The following DLG2 variants were observed in gnomAD, a reference collection of about 807,000 sequenced individuals.
DLG2 encodes discs large MAGUK scaffold protein 2.
Under a neutral mutation model 132.5 loss-of-function variants are expected in DLG2, and 45 were observed. The observed-to-expected ratio is 0.34, with a 90% CI of 0.27 to 0.44. DLG2 has a LOEUF of 0.44. Among genes scored for constraint, DLG2 ranks in the 20% least tolerant of loss-of-function variants. DLG2 has a pLI of 1.00. For synonymous variants in DLG2, 424 were observed against 419.6 expected, an observed-to-expected ratio of 1.01 and a Z score of -0.13; for missense variants, 1,045 against 1,196.9, an observed-to-expected ratio of 0.87 and a Z score of 1.87.
chr11:85,176,412 T>C (rs1381052364), intron 4 of DLG2, among the ~76,000 whole-genome samples: 2 of 152,172 alleles, frequency 1.3e-5, no homozygotes, highest in Non-Finnish European at 2.9e-5. Context: ...GCTAGCCAAA[T>C]GTGAAAAATT....
intron 21 of DLG2, among the ~76,000 whole-genome samples, chr11:83,512,007 T>C (rs1015666689): frequency 2.0e-5 from 3 of 152,220 alleles, no homozygotes; most frequent in South Asian, 2.1e-4. Flanking sequence ...TGTGCAATAA[T>C]TGCTATGTTG....
chr11:85,161,916 G>T (rs1259573272), intron 4 of DLG2, among the ~76,000 whole-genome samples: 1 of 152,138 alleles, frequency 6.6e-6, no homozygotes, highest in African/African-American at 2.4e-5. Flanking sequence ...GGAATCAAGG[G>T]GTGGAAGTGG....
At chr11:83,890,126 A>G (rs548906491) in intron 15 of DLG2, among the ~76,000 whole-genome samples, 2 of 152,242 alleles carry the variant, frequency 1.3e-5, no homozygotes, top group South Asian at 4.1e-4. Context: ...TAATAAAAAA[A>G]GAAATTTTAT....
chr11:83,507,084 G>C (rs2094742911), intron 21 of DLG2, among the ~76,000 whole-genome samples: 1 of 151,946 alleles, frequency 6.6e-6, no homozygotes, highest in African/African-American at 2.4e-5. Flanking sequence ...TATGTTCCTT[G>C]GTTCTCCACA....
intron 3 of DLG2, among the ~76,000 whole-genome samples, chr11:85,462,146 A>C (rs1295390862): frequency 1.3e-5 from 2 of 152,208 alleles, no homozygotes; most frequent in Non-Finnish European, 2.9e-5. Context: ...AAAAGTCAGG[A>C]AACAATAGGT....
intron 6 of DLG2, among the ~76,000 whole-genome samples, chr11:84,709,060 G>A (rs505740): frequency 0.84 from 126,994 of 151,948 alleles, 53,862 homozygotes; most frequent in Middle Eastern, 0.9. Flanking sequence ...TCACATGGAA[G>A]CTGCTGTGAG....
At chr11:83,898,131 G>A (rs900992273) in intron 15 of DLG2, among the ~76,000 whole-genome samples, 1 of 151,914 alleles carries the variant, frequency 6.6e-6, no homozygotes, top group African/African-American at 2.4e-5. Context: ...TATCCTTTAG[G>A]AACTATAATA....
chr11:85,397,264 A>C (rs537514269), intron 3 of DLG2, among the ~76,000 whole-genome samples: 87 of 152,314 alleles, frequency 5.7e-4, no homozygotes, highest in South Asian at 5.0e-3. Flanking sequence ...GCCTTATAAG[A>C]GCTACTGAAG....
chr11:85,024,560 T>G (rs373098406), intron 6 of DLG2, among the ~76,000 whole-genome samples: 2 of 152,180 alleles, frequency 1.3e-5, no homozygotes, highest in Admixed American at 6.5e-5. Context: ...AAACGAATAA[T>G]TGTCTCGACT....
chr11:83,573,179 G>C (rs1167203912), intron 19 of DLG2, among the ~76,000 whole-genome samples: 1 of 152,028 alleles, frequency 6.6e-6, no homozygotes, highest in African/African-American at 2.4e-5. Flanking sequence ...ATCAATTTAT[G>C]ACTAAATAAA....
At position 85,220,160 on chromosome 11, in the gene DLG2, T is replaced by C. The variant is rs1273838689; in HGVS notation, c.186+65060A>G. On this transcript the variant is annotated intron_variant, in intron 4 of 27. Coordinates refer to ENST00000376104, the MANE Select transcript of DLG2 (RefSeq NM_001142699.3). ...GTGGGGGGAGACAGATAAAGAAATATGTAAAACTCTGCACATGATATCAAA... is the reference window on the plus strand; with the variant it reads ...GTGGGGGGAGACAGATAAAGAAATACGTAAAACTCTGCACATGATATCAAA... Among the ~76,000 whole-genome samples, 5 of 152,068 alleles carry C rather than the reference T, an allele frequency of 3.3e-5. No homozygotes were observed. In the South Asian group the frequency reaches 1.0e-3, roughly 32 times the overall value.
At position 83,462,038 on chromosome 11, in the gene DLG2, T is replaced by C; in HGVS notation, c.2785A>G (p.Ile929Val). ...TCTCCAAATTCTTGTTCTAGCTTAA[T>C]TGCTCGATCATAGGTTTTCTTGGCT... ...EQAKKTYDRAIKLEQEFGEYF... is the reference protein window; with the variant it reads ...EQAKKTYDRAVKLEQEFGEYF... Residue 929 changes from isoleucine (I) to valine (V), a missense_variant, in exon 27 of 28, where the codon ATT (isoleucine) becomes GTT (valine). This residue lies in a region of DLG2 where 398 missense variants were observed against 543.6 expected (regional missense o/e 0.73). Coordinates refer to ENST00000376104, the MANE Select transcript of DLG2 (RefSeq NM_001142699.3). 6 of 1,613,526 alleles carry C rather than the reference T, an allele frequency of 3.7e-6. No individual in the cohort carries two copies. Among genetic ancestry groups the C allele is most frequent in the Non-Finnish European group, 5.1e-6 (6 of 1,179,448 alleles).
At chr11:84,032,922 C>T (rs921194104) in intron 11 of DLG2, among the ~76,000 whole-genome samples, 8 of 152,106 alleles carry the variant, frequency 5.3e-5, no homozygotes, top group African/African-American at 1.9e-4. Flanking sequence ...GATGATATCA[C>T]GTCTGTTTAT....
intron 6 of DLG2, among the ~76,000 whole-genome samples, chr11:85,064,845 CAT>C (rs1234749917): frequency 7.9e-5 from 12 of 151,482 alleles, no homozygotes; most frequent in Non-Finnish European, 1.2e-4. Context: ...AAGATTATAA[CAT>C]ACAAATTCTG....
At chr11:84,027,404 G>A (rs918951482) in intron 11 of DLG2, among the ~76,000 whole-genome samples, 6 of 151,846 alleles carry the variant, frequency 4.0e-5, no homozygotes, top group Non-Finnish European at 7.4e-5. Flanking sequence ...TGAAGACAAA[G>A]GTAAGAGCAA....
chr11:84,253,666 C>T (rs534302358), intron 7 of DLG2, among the ~76,000 whole-genome samples: 2 of 152,042 alleles, frequency 1.3e-5, no homozygotes, highest in African/African-American at 4.8e-5. Context: ...TATGTATTAC[C>T]ATTTATTAAA....
intron 19 of DLG2, among the ~76,000 whole-genome samples, chr11:83,560,182 A>G (rs1593197385): frequency 6.6e-6 from 1 of 150,904 alleles, no homozygotes; most frequent in South Asian, 2.1e-4. Context: ...CAGTGGCAGG[A>G]TCTTGGCTCA....
At chr11:85,363,988 C>G (rs1359157964) in intron 3 of DLG2, among the ~76,000 whole-genome samples, 3 of 152,064 alleles carry the variant, frequency 2.0e-5, no homozygotes, top group African/African-American at 7.2e-5. Context: ...AGTCATGTTT[C>G]CTATTATTAA....
At chr11:84,579,634 G>A (rs542823650) in intron 6 of DLG2, among the ~76,000 whole-genome samples, 1 of 152,244 alleles carries the variant, frequency 6.6e-6, no homozygotes, top group East Asian at 1.9e-4. Context: ...GTGAATCTGT[G>A]GGATATGGAT....
Sources: allele counts gnomAD v4.1 joint callset (sites outside exome capture counted in the v4.1 genomes callset), GRCh38; gene constraint gnomAD v4.1.1; regional missense constraint gnomAD v4.1.1; transcripts MANE v1.5; gene names NCBI Gene and HGNC (gene_info 2026-07-23, HGNC 2026-07-21).